The following SPINK8 variants were observed in gnomAD, a reference collection of about 807,000 sequenced individuals.
SPINK8 encodes serine protease inhibitor Kazal-type 8.
A neutral mutation model predicts 14.4 loss-of-function variants in SPINK8; 12 were observed. The observed-to-expected ratio is 0.83, with a 90% CI of 0.53 to 1.35. SPINK8 has a LOEUF of 1.35. SPINK8 is among the 40% of genes most tolerant of loss of function. The pLI is 0.00. For missense variants in SPINK8, 103 were observed against 117.0 expected (o/e 0.88, Z 0.55); for synonymous variants, 32 against 37.6 (o/e 0.85, Z 0.55).
chr3:48,319,533 G>C lies in SPINK8; in HGVS notation c.203C>G (p.Thr68Ser). 1.2e-6 allele frequency: 2 copies of C among 1,613,974 alleles called. No homozygotes were observed. The highest frequency in any genetic ancestry group is 1.7e-6 in the Non-Finnish European group (2 of 1,179,874). Residue 68 changes from threonine to serine, a missense_variant, in exon 6 of 8, where the codon ACC becomes AGC. Physicochemically the swap from Thr to Ser is moderately conservative, Grantham distance 58. Transcript: ENST00000434006. ...GCACAGATGGCAGTCACTACTGTAG[G>C]TAACCTGGTCACTGCCACAAATAGG... ...SEPICGSDQV[T>S]YSSDCHLCSK...
intron 4 of SPINK8, 61 bp from the exon 5 acceptor site, chr3:48,321,135 G>A: frequency 1.3e-6 from 2 of 1,508,310 alleles, no homozygotes; most frequent in East Asian, 4.9e-5. Flanking sequence ...CAGCGAAAAA[G>A]GTAAGATGAG....
chr3:48,320,162 C>G (rs2107098739), intron 5 of SPINK8, among the ~76,000 whole-genome samples: 1 of 151,324 alleles, frequency 6.6e-6, no homozygotes, highest in South Asian at 2.1e-4. Context: ...TCCCTGCCCT[C>G]TGTAACCTAA....
intron 2 of SPINK8, among the ~76,000 whole-genome samples, chr3:48,331,909 G>T (rs2036268818): frequency 6.6e-6 from 1 of 152,206 alleles, no homozygotes; most frequent in Admixed American, 6.5e-5. Flanking sequence ...AAGCATACCT[G>T]GGGAGGGTGA....
At chr3:48,332,875 T>A (rs1263525096) in intron 1 of SPINK8, among the ~76,000 whole-genome samples, 4 of 143,264 alleles carry the variant, frequency 2.8e-5, no homozygotes, top group Non-Finnish European at 6.4e-5. Flanking sequence ...TTGCTTCAAG[T>A]CTGAGAGGGA....
intron 4 of SPINK8, among the ~76,000 whole-genome samples, chr3:48,321,881 C>T (rs955027251): frequency 4.0e-5 from 6 of 151,008 alleles, no homozygotes; most frequent in Admixed American, 1.3e-4. Flanking sequence ...GACACGATAT[C>T]AGCTCACTGA....
At position 48,321,059 on chromosome 3, in the gene SPINK8, A is replaced by C. The variant is rs1409247267; in HGVS notation, c.83T>G (p.Met28Arg). ...MAFAIDFPLP[M>R]ASERGQLDKT... is the part of the protein sequence containing the mutation. ...GTCTAGCTGACCTCTTTCAGAGGCC[A>C]TAGGAAGGGGGAAGTCTGGAAGACA... The change falls in exon 5 of 8, where the codon ATG (methionine) becomes AGG (arginine). Residue 28 changes from methionine (M) to arginine (R), a missense_variant. Coordinates refer to ENST00000434006, the MANE Select transcript of SPINK8 (RefSeq NM_001080525.3). The C allele has an allele frequency of 6.3e-7, 1 of 1,586,986 alleles. No individual in the cohort carries two copies. Among genetic ancestry groups the C allele is most frequent in the Admixed American group, 1.8e-5 (1 of 56,272 alleles).
intron 7 of SPINK8, among the ~76,000 whole-genome samples, chr3:48,307,545 C>CG (rs2035866845): frequency 6.8e-6 from 1 of 147,550 alleles, no homozygotes; most frequent in African/African-American, 2.5e-5. Context: ...CCCCCCACCC[C>CG]CCCACCTCTT....
At chr3:48,322,716 T>G (rs1409147385) in intron 4 of SPINK8, among the ~76,000 whole-genome samples, 1 of 152,232 alleles carries the variant, frequency 6.6e-6, no homozygotes, top group Non-Finnish European at 1.5e-5. Flanking sequence ...TGGTTTTTTG[T>G]GTCTGTGTTT....
chr3:48,324,634 A>G (rs935290257), intron 4 of SPINK8, among the ~76,000 whole-genome samples: 11 of 152,166 alleles, frequency 7.2e-5, no homozygotes, highest in African/African-American at 2.7e-4. Context: ...TCAAATAAAC[A>G]TTTCTATATA....
chr3:48,321,210 T>C (rs1255303970), intron 4 of SPINK8, 136 bp from the exon 5 acceptor site: 1 of 726,548 alleles, frequency 1.4e-6, no homozygotes. Context: ...TCCTCTTTGA[T>C]GCAAGCTGCC....
At chr3:48,330,351 T>A (rs1425522523) in intron 2 of SPINK8, among the ~76,000 whole-genome samples, 8 of 152,108 alleles carry the variant, frequency 5.3e-5, no homozygotes. Context: ...AGACCCTGTC[T>A]CTACTAAAAA....
intron 2 of SPINK8, among the ~76,000 whole-genome samples, chr3:48,330,058 A>C (rs1473480817): frequency 3.3e-5 from 5 of 152,234 alleles, no homozygotes; most frequent in Non-Finnish European, 4.4e-5. Flanking sequence ...AATGGCCTTA[A>C]CTGGGGACAT....
At chr3:48,308,643 A>T (rs1467512602) in intron 7 of SPINK8, among the ~76,000 whole-genome samples, 1 of 152,180 alleles carries the variant, frequency 6.6e-6, no homozygotes, top group African/African-American at 2.4e-5. Flanking sequence ...GGAAAATTCT[A>T]TCATTTTATA....
intron 1 of SPINK8, among the ~76,000 whole-genome samples, chr3:48,333,295 A>G (rs947491399): frequency 2.6e-5 from 4 of 152,176 alleles, no homozygotes; most frequent in African/African-American, 9.6e-5. Context: ...GCAGAAGAAT[A>G]TAAGTCGTTT....
intron 4 of SPINK8, among the ~76,000 whole-genome samples, chr3:48,325,513 C>T (rs921142628): frequency 8.6e-5 from 13 of 151,842 alleles, no homozygotes; most frequent in Non-Finnish European, 1.6e-4. Flanking sequence ...CAACCTCCAC[C>T]TCCCTAGTTC....
intron 4 of SPINK8, among the ~76,000 whole-genome samples, chr3:48,322,847 G>A (rs1054488004): frequency 6.6e-6 from 1 of 151,980 alleles, no homozygotes; most frequent in Non-Finnish European, 1.5e-5. Flanking sequence ...GGACATTTGA[G>A]TTGCTTTCAC....
Position 48,319,617 on chromosome 3 carries a change from A to T in SPINK8, c.119T>A (p.Val40Asp), listed in dbSNP as rs544663882. The T allele has an allele frequency of 1.9e-6, 3 of 1,613,872 alleles. No individual in the cohort carries two copies. The highest frequency in any genetic ancestry group is 1.7e-5 in the Admixed American group (1 of 60,006). ...CTTATTTACATTCTTGAGGCATTCAACCTGAAGGTGAGACACACACAACTG... is the reference window on the plus strand; with the variant it reads ...CTTATTTACATTCTTGAGGCATTCATCCTGAAGGTGAGACACACACAACTG... ...SERGQLDKTI[V>D]ECLKNVNKCW... The change falls in exon 6 of 8, where the codon GTT becomes GAT. Residue 40 changes from valine to aspartate, a missense_variant and splice_region_variant. By Grantham distance (152) the Val-to-Asp change is radical. Transcript: ENST00000434006.
intron 4 of SPINK8, among the ~76,000 whole-genome samples, chr3:48,325,091 T>C (rs1208369525): frequency 1.3e-5 from 2 of 152,202 alleles, no homozygotes; most frequent in Non-Finnish European, 2.9e-5. Context: ...TTGTCTGATA[T>C]TAGTATAGCC....
intron 4 of SPINK8, 77 bp downstream of exon 4, chr3:48,328,192 GCACTTC>G: frequency 9.2e-7 from 1 of 1,089,088 alleles, no homozygotes. Context: ...AAACTGAACA[GCACTTC>G]CACTTCCATC....
Sources: gnomAD v4.1 joint callset for allele counts (sites outside exome capture counted in the v4.1 genomes callset) on GRCh38, gnomAD v4.1.1 for gene constraint, MANE v1.5 for transcripts, NCBI Gene and HGNC (gene_info 2026-07-23, HGNC 2026-07-21) for gene names.